PPM1H: variants seen among roughly 807,000 people sequenced by gnomAD.
PPM1H encodes the protein protein phosphatase 1H.
In PPM1H, 27 loss-of-function variants were observed where a neutral mutation model predicts 54.9. The observed-to-expected ratio is 0.49, with a 90% CI of 0.36 to 0.68. The LOEUF is 0.68. Ranked by LOEUF, PPM1H falls within the 30% of genes least tolerant of loss-of-function variation. PPM1H has a pLI of 0.00. For missense variants in PPM1H, 596 were observed against 667.8 expected (o/e 0.89, Z 1.19); for synonymous variants, 305 against 270.8 (o/e 1.13, Z -1.24).
chr12:62,870,679 AC>A (rs1869944234), intron 1 of PPM1H, among the ~76,000 whole-genome samples: 1 of 152,224 alleles, frequency 6.6e-6, no homozygotes, highest in Non-Finnish European at 1.5e-5. Flanking sequence ...TGGGAGGATG[AC>A]AGGTTTGTTC....
chr12:62,755,270 G>A, intron 4 of PPM1H: 2 of 763,582 alleles, frequency 2.6e-6, no homozygotes, highest in Non-Finnish European at 4.7e-6. Flanking sequence ...TGTATTGGGT[G>A]CCTAGTCACC....
chr12:62,707,729 T>C (rs2076183318), intron 6 of PPM1H, among the ~76,000 whole-genome samples: 1 of 152,234 alleles, frequency 6.6e-6, no homozygotes, highest in Non-Finnish European at 1.5e-5. Flanking sequence ...TATATGGCCC[T>C]GTCCTGACAC....
chr12:62,893,508 G>C (rs1870873831), intron 1 of PPM1H, among the ~76,000 whole-genome samples: 1 of 151,964 alleles, frequency 6.6e-6, no homozygotes. Context: ...CCTAGCTGAA[G>C]TGCAATGACA....
At chr12:62,884,561 G>A (rs1308551636) in intron 1 of PPM1H, among the ~76,000 whole-genome samples, 1 of 151,294 alleles carries the variant, frequency 6.6e-6, no homozygotes, top group Admixed American at 6.6e-5. Context: ...AATATCAGGT[G>A]TAATTTCACC....
intron 3 of PPM1H, among the ~76,000 whole-genome samples, chr12:62,795,549 C>T (rs1339857451): frequency 6.6e-6 from 1 of 151,942 alleles, no homozygotes; most frequent in Non-Finnish European, 1.5e-5. Flanking sequence ...CGGGTTCACA[C>T]CATTCTCCTG....
chr12:62,723,425 TC>T (rs2076273687), intron 5 of PPM1H, among the ~76,000 whole-genome samples: 1 of 152,152 alleles, frequency 6.6e-6, no homozygotes, highest in Admixed American at 6.5e-5. Context: ...TGAATGTGTC[TC>T]CTAAAATTCA....
At chr12:62,792,765 A>G (rs922196648) in intron 3 of PPM1H, among the ~76,000 whole-genome samples, 6 of 152,130 alleles carry the variant, frequency 3.9e-5, no homozygotes, top group African/African-American at 1.4e-4. Context: ...TTTTCCCTAC[A>G]TACACCACCT....
At chr12:62,859,604 A>G (rs1327091957) in intron 1 of PPM1H, among the ~76,000 whole-genome samples, 1 of 152,188 alleles carries the variant, frequency 6.6e-6, no homozygotes, top group Admixed American at 6.5e-5. Context: ...CCTCTTCCAA[A>G]TTTATACTGC....
At chr12:62,785,862 A>AAAAAAAAAAAAAAAAGAGGG (rs2076667702) in intron 4 of PPM1H, among the ~76,000 whole-genome samples, 1 of 58,332 alleles carries the variant, frequency 1.7e-5, no homozygotes, top group Non-Finnish European at 3.1e-5. Flanking sequence ...AAAAATGAGG[A>AAAAAAAAAAAAAAAAGAGGG]AAAAAAAAAA....
At chr12:62,769,390 T>G (rs1036826539) in intron 4 of PPM1H, among the ~76,000 whole-genome samples, 1 of 152,228 alleles carries the variant, frequency 6.6e-6, no homozygotes, top group South Asian at 2.1e-4. Context: ...GGCCTGCGTG[T>G]GAGCAACTGG....
chr12:62,655,829 A>C (rs1382027628), intron 9 of PPM1H, among the ~76,000 whole-genome samples: 2 of 152,188 alleles, frequency 1.3e-5, no homozygotes, highest in African/African-American at 4.8e-5. Flanking sequence ...CCTAATGAAG[A>C]GTCTCCCCAG....
chr12:62,782,743 T>C (rs1565787182), intron 4 of PPM1H, among the ~76,000 whole-genome samples: 1 of 152,382 alleles, frequency 6.6e-6, no homozygotes, highest in South Asian at 2.1e-4. Context: ...GAAGTCTGAA[T>C]TTGTGGTAGT....
chr12:62,771,823 C>G (rs954012226), intron 4 of PPM1H, among the ~76,000 whole-genome samples: 12 of 152,180 alleles, frequency 7.9e-5, no homozygotes, highest in African/African-American at 2.9e-4. Flanking sequence ...TCCCCACACC[C>G]CGTTACAATG....
chr12:62,703,360 T>C (rs1470298670), intron 6 of PPM1H, among the ~76,000 whole-genome samples: 1 of 150,652 alleles, frequency 6.6e-6, no homozygotes, highest in Admixed American at 6.6e-5. Context: ...TAGATTGAAA[T>C]AGTCATAAAA....
At chr12:62,817,116 TAAA>T (rs1189819660) in intron 2 of PPM1H, among the ~76,000 whole-genome samples, 6,879 of 41,066 alleles carry the variant, frequency 0.17, 84 homozygotes, top group East Asian at 0.25. Context: ...ACTGCATTAC[TAAA>T]AAAAAAAAAA....
chr12:62,789,018 G>A (rs999634550), intron 3 of PPM1H, among the ~76,000 whole-genome samples: 13 of 150,212 alleles, frequency 8.7e-5, no homozygotes, highest in East Asian at 4.0e-4. Context: ...GAGCCACTGC[G>A]CCCAGCCTTG....
At chr12:62,660,869 G>C (rs895984019) in intron 9 of PPM1H, among the ~76,000 whole-genome samples, 5 of 152,120 alleles carry the variant, frequency 3.3e-5, no homozygotes, top group African/African-American at 1.2e-4. Flanking sequence ...ATTACTTAAA[G>C]GAACACACAG....
intron 4 of PPM1H, among the ~76,000 whole-genome samples, chr12:62,760,428 C>A (rs1011988537): frequency 2.6e-5 from 4 of 152,246 alleles, no homozygotes; most frequent in African/African-American, 9.6e-5. Context: ...CTCCTCCGGT[C>A]GCTCCCTGCC....
At chr12:62,901,217 C>T (rs1871157141) in intron 1 of PPM1H, among the ~76,000 whole-genome samples, 1 of 152,204 alleles carries the variant, frequency 6.6e-6, no homozygotes, top group African/African-American at 2.4e-5. Flanking sequence ...CCATATGTTC[C>T]CAGTGGGCAA....
Sources: gnomAD v4.1 joint callset for allele counts (sites outside exome capture counted in the v4.1 genomes callset) on GRCh38, gnomAD v4.1.1 for gene constraint, MANE v1.5 for transcripts, NCBI Gene and HGNC (gene_info 2026-07-23, HGNC 2026-07-21) for gene names.